The following PPIP5K2 variants were observed in gnomAD, a reference collection of about 807,000 sequenced individuals.
The protein encoded by PPIP5K2 is inositol hexakisphosphate and diphosphoinositol-pentakisphosphate kinase 2.
PPIP5K2 carries 105 observed loss-of-function variants against 154.6 expected under a neutral mutation model. The observed-to-expected ratio is 0.68, with a 90% CI of 0.58 to 0.80. PPIP5K2 has a LOEUF of 0.80. Among genes scored for constraint, PPIP5K2 ranks in the 30% least tolerant of loss-of-function variants. The probability of loss-of-function intolerance (pLI) is 0.00; values close to 1 mark genes in which losing one functional copy is unlikely to be tolerated. For missense variants in PPIP5K2, 992 were observed against 1,504.6 expected, an observed-to-expected ratio of 0.66 and a Z score of 5.64; for synonymous variants, 480 against 490.3, an observed-to-expected ratio of 0.98 and a Z score of 0.28.
At chr5:103,151,674 A>T (rs1355506923) in intron 9 of PPIP5K2, among the ~76,000 whole-genome samples, 1 of 151,412 alleles carries the variant, frequency 6.6e-6, no homozygotes, top group African/African-American at 2.4e-5. Flanking sequence ...AATTTTTGCC[A>T]TGTAGTTATA....
At position 103,180,111 on chromosome 5, in the gene PPIP5K2, A is replaced by G; in HGVS notation, c.2845A>G (p.Lys949Glu). 6.2e-7 allele frequency: 1 copy of G among 1,605,820 alleles called. No individual in the cohort carries two copies. Among genetic ancestry groups the G allele is most frequent in the Non-Finnish European group, 8.5e-7 (1 of 1,176,808 alleles). ...AGTTGATCGAGCTGTGATATTGTTT[A>G]AACCAATGGTATCAGAGCCAATTCA... Reference protein sequence around the residue: ...DEVDRAVILFKPMVSEPIHIH... With the variant: ...DEVDRAVILFEPMVSEPIHIH... The change falls in exon 24 of 31, where the codon AAA (lysine) becomes GAA (glutamate). Residue 949 changes from lysine (K) to glutamate (E), a missense_variant. Transcript: ENST00000358359.
rs1803218001 is a variant in PPIP5K2 at position 103,202,892 on chromosome 5, A to G, written c.*1258A>G. On this transcript the variant is annotated 3_prime_UTR_variant, in exon 31 of 31. Coordinates refer to ENST00000358359, the MANE Select transcript of PPIP5K2 (RefSeq NM_001276277.3). ...ACTATTGATTTCCCATGGTATGAAT[A>G]TAACTATTGTAATTCTTCAAATGAG... 6.6e-6 allele frequency: 1 copy of G among 152,522 alleles called. No individual in the cohort carries two copies. Among genetic ancestry groups the G allele is most frequent in the Admixed American group, 6.6e-5 (1 of 15,256 alleles). 9.4% of individuals were successfully genotyped at this position (152,522 alleles called of 1,614,324 possible).
intron 27 of PPIP5K2, 61 bp from the exon 28 acceptor site, chr5:103,187,253 C>G: frequency 7.6e-7 from 1 of 1,307,514 alleles, no homozygotes. Context: ...TCCCCTCTTT[C>G]TTTTAAGTGT....
At chr5:103,131,050 G>A (rs534886530) in intron 2 of PPIP5K2, among the ~76,000 whole-genome samples, 2 of 152,166 alleles carry the variant, frequency 1.3e-5, no homozygotes, top group East Asian at 3.9e-4. Flanking sequence ...GATACCTTGT[G>A]AATTATTTTT....
intron 6 of PPIP5K2, among the ~76,000 whole-genome samples, chr5:103,147,119 G>C (rs1183801029): frequency 6.6e-6 from 1 of 151,878 alleles, no homozygotes; most frequent in Non-Finnish European, 1.5e-5. Context: ...GATTGACAAA[G>C]ATAAAAAATA....
chr5:103,173,283 G>A lies in PPIP5K2; in HGVS notation c.2414+1G>A. The A allele has an allele frequency of 4.4e-6, 7 of 1,604,818 alleles. No homozygotes were observed. Among genetic ancestry groups the A allele is most frequent in the Non-Finnish European group, 5.9e-6 (7 of 1,176,576 alleles). On this transcript the variant is annotated splice_donor_variant, in intron 20 of 30. Transcript: ENST00000358359. LOFTEE classifies it high-confidence loss of function. ...ACACTGTAAATAAACTTCATCCTGT[G>A]TAAGAAACTGTACTGGTTATTTAAA...
intron 1 of PPIP5K2, among the ~76,000 whole-genome samples, 172 bp from the exon 2 acceptor site, chr5:103,129,134 T>A (rs936884426): frequency 2.0e-5 from 3 of 152,194 alleles, no homozygotes; most frequent in Admixed American, 6.5e-5. Context: ...TTTAGTTTCT[T>A]AATTTTTTTG....
intron 3 of PPIP5K2, chr5:103,136,026 C>A (rs1438761023): frequency 1.5e-5 from 2 of 131,738 alleles, no homozygotes; most frequent in African/African-American, 5.8e-5. Context: ...GGCTGGAGTA[C>A]AATGGCACGA....
chr5:103,171,615 T>C (rs1797998307), intron 19 of PPIP5K2, among the ~76,000 whole-genome samples: 2 of 151,542 alleles, frequency 1.3e-5, no homozygotes, highest in African/African-American at 4.8e-5. Context: ...AGAAATTTCT[T>C]GATTATAAAA....
Position 103,158,326 on chromosome 5 carries a change from G to GT in PPIP5K2, c.1615+17dup. ...CCTGGAGGTCAAGGTAAATCTTAGA[G>GT]TTTTCTTTAATTTGACTAATTTCAT... On this transcript the variant is annotated intron_variant, in intron 15 of 30. Coordinates refer to ENST00000358359, the MANE Select transcript of PPIP5K2 (RefSeq NM_001276277.3). The GT allele has an allele frequency of 1.9e-6, 3 of 1,602,940 alleles. No homozygotes were observed. Among genetic ancestry groups the GT allele is most frequent in the Non-Finnish European group, 2.5e-6 (3 of 1,177,046 alleles).
rs1350642943 is a variant in PPIP5K2 at position 103,206,060 on chromosome 5, AT to A, written c.*4428del. On this transcript the variant is annotated 3_prime_UTR_variant, in exon 31 of 31. Coordinates refer to ENST00000358359, the MANE Select transcript of PPIP5K2 (RefSeq NM_001276277.3). Reference sequence around the variant, plus strand: ...TGCTTGCTTTTTTTATTGCTTTAAAATTCTTTTGTCTTTCTGTAACAATACT... The same window carrying A: ...TGCTTGCTTTTTTTATTGCTTTAAAATCTTTTGTCTTTCTGTAACAATACT... 2 of 152,172 alleles carry A rather than the reference AT, an allele frequency of 1.3e-5. No homozygotes were observed. The highest frequency in any genetic ancestry group is 4.8e-5 in the African/African-American group (2 of 41,438). 9.4% of individuals were successfully genotyped at this position (152,172 alleles called of 1,614,324 possible).
intron 30 of PPIP5K2, among the ~76,000 whole-genome samples, chr5:103,198,896 A>G (rs1802531836): frequency 6.6e-6 from 1 of 151,942 alleles, no homozygotes; most frequent in African/African-American, 2.4e-5. Context: ...TACTAATTCA[A>G]TATTTTTAAG....
In PPIP5K2 at chr5:103,132,470, C is replaced by T. The variant is rs529126193; in HGVS notation, c.115-983C>T. 6.6e-5 allele frequency among the ~76,000 whole-genome samples: 10 copies of T among 152,062 alleles called. No individual in the cohort carries two copies. In the South Asian group the frequency reaches 1.2e-3, roughly 19 times the overall value. On this transcript the variant is annotated intron_variant, in intron 2 of 30. Coordinates refer to ENST00000358359, the MANE Select transcript of PPIP5K2 (RefSeq NM_001276277.3). The stretch of plus-strand genomic sequence containing the variant: ...CTGAGGCAGGAGAATTGCTTGAACC[C>T]GGGAGGCGGAGGTTGCAGTGAGCTG...
intron 23 of PPIP5K2, among the ~76,000 whole-genome samples, chr5:103,179,728 A>G (rs1475320712): frequency 6.6e-6 from 1 of 152,082 alleles, no homozygotes; most frequent in African/African-American, 2.4e-5. Context: ...TTATTCTTGC[A>G]CTTGATGAAA....
intron 19 of PPIP5K2, among the ~76,000 whole-genome samples, chr5:103,170,783 C>A (rs575554216): frequency 7.9e-5 from 12 of 151,110 alleles, no homozygotes; most frequent in African/African-American, 2.9e-4. Flanking sequence ...ATATAACTAA[C>A]AATTATAAAC....
intron 28 of PPIP5K2, 96 bp from the exon 29 acceptor site, chr5:103,190,746 A>G: frequency 4.3e-6 from 5 of 1,156,016 alleles, no homozygotes; most frequent in Non-Finnish European, 5.9e-6. Context: ...GAAAAGACCT[A>G]AACTGTCCAG....
intron 5 of PPIP5K2, among the ~76,000 whole-genome samples, chr5:103,142,668 C>G (rs569160465): frequency 1.3e-5 from 2 of 151,322 alleles, no homozygotes; most frequent in East Asian, 2.0e-4. Flanking sequence ...CCCAGCTACT[C>G]GGGAGGCTGA....
At position 103,149,183 on chromosome 5, in the gene PPIP5K2, C is replaced by T. The variant is rs782705879; in HGVS notation, c.776C>T (p.Ala259Val). ...ACAGTGGGTCCAGATTATGCCCATG[C>T]TGAAGCTCGAAAATCTCCAGCACTT... ...VYTVGPDYAH[A>V]EARKSPALDG... is the part of the protein sequence containing the mutation. The change falls in exon 8 of 31, where the codon GCT (alanine) becomes GTT (valine). Residue 259 changes from alanine (A) to valine (V), a missense_variant. By Grantham distance (64) the Ala-to-Val change is moderately conservative. This residue lies in a region of PPIP5K2 where 51 missense variants were observed against 152.2 expected (regional missense o/e 0.33). Transcript: ENST00000358359. 1 of 1,613,756 alleles carries T rather than the reference C, an allele frequency of 6.2e-7. No homozygotes were observed. Among genetic ancestry groups the T allele is most frequent in the Admixed American group, 1.7e-5 (1 of 59,996 alleles).
rs1279023062 is a variant in PPIP5K2, at chr5:103,205,543, G to C, written c.*3909G>C. The C allele has an allele frequency of 1.3e-5, 2 of 152,170 alleles. No individual in the cohort carries two copies. The highest frequency in any genetic ancestry group is 1.3e-4 in the Admixed American group (2 of 15,266). The allele number at this position is 152,170 out of a possible 1,614,324, so 9.4% of individuals were successfully genotyped here. The stretch of plus-strand genomic sequence containing the variant: ...TCGCCATTCTAACTGGCGTGAGATG[G>C]TATCTCATTTGTAAGATGATATCTC... On this transcript the variant is annotated 3_prime_UTR_variant, in exon 31 of 31. Transcript: ENST00000358359.
Sources: allele counts gnomAD v4.1 joint callset (sites outside exome capture counted in the v4.1 genomes callset), GRCh38; gene constraint gnomAD v4.1.1; regional missense constraint gnomAD v4.1.1; transcripts MANE v1.5; gene names NCBI Gene and HGNC (gene_info 2026-07-23, HGNC 2026-07-21).